Variants in RALGAPA2 observed in about 807,000 individuals in gnomAD.
RALGAPA2 encodes ral GTPase-activating protein subunit alpha-2.
A neutral mutation model predicts 230.4 loss-of-function variants in RALGAPA2; 139 were observed. The ratio of observed to expected loss-of-function variants is 0.60; its 90% CI spans 0.53 to 0.69. The LOEUF (loss-of-function observed/expected upper bound fraction) is 0.69, where lower values mean the gene tolerates loss of function less well. Ranked by LOEUF, RALGAPA2 falls within the 30% of genes least tolerant of loss-of-function variation. The pLI is 0.00. For missense variants in RALGAPA2, 2,163 were observed against 2,276.0 expected, an observed-to-expected ratio of 0.95 and a Z score of 1.01; for synonymous variants, 847 against 837.8, an observed-to-expected ratio of 1.01 and a Z score of -0.19.
In RALGAPA2 at chr20:20,653,590, A is replaced by G. The variant is rs1180802173; in HGVS notation, c.271-3T>C. Reference sequence around the variant, plus strand: ...TCAGGTAGAAACTGCAGTATTTTCTATTAAAAAAAGATATAAAGAAAATAA... The same window carrying G: ...TCAGGTAGAAACTGCAGTATTTTCTGTTAAAAAAAGATATAAAGAAAATAA... On this transcript the variant is annotated splice_region_variant and splice_polypyrimidine_tract_variant and intron_variant, in intron 3 of 39. Transcript: ENST00000202677. 1 of 1,453,526 alleles carries G rather than the reference A, an allele frequency of 6.9e-7. No individual in the cohort carries two copies. The highest frequency in any genetic ancestry group is 9.4e-7 in the Non-Finnish European group (1 of 1,063,542). 90.0% of individuals were successfully genotyped at this position (1,453,526 alleles called of 1,614,324 possible). A position where few individuals can be genotyped will look rare whatever the true frequency, so the allele number is the denominator to read the frequency against.
intron 37 of RALGAPA2, among the ~76,000 whole-genome samples, chr20:20,418,915 T>C (rs1358703915): frequency 6.6e-6 from 1 of 152,094 alleles, no homozygotes; most frequent in Non-Finnish European, 1.5e-5. Context: ...ATTTTTAAAA[T>C]ATTTTCTAGC....
At chr20:20,668,856 G>A (rs986066931) in intron 3 of RALGAPA2, among the ~76,000 whole-genome samples, 5 of 152,156 alleles carry the variant, frequency 3.3e-5, no homozygotes, top group Admixed American at 6.5e-5. Context: ...TAGCCCGACA[G>A]AGCACTTCCA....
At chr20:20,393,385 C>T (rs889635625) in intron 39 of RALGAPA2, 132 bp from the exon 40 acceptor site, 5 of 535,208 alleles carry the variant, frequency 9.3e-6, no homozygotes, top group South Asian at 4.8e-5. Flanking sequence ...CCTCCTCCCA[C>T]GCTATGCCGG....
intron 31 of RALGAPA2, among the ~76,000 whole-genome samples, chr20:20,518,991 T>C (rs2062957235): frequency 2.6e-5 from 4 of 151,940 alleles, no homozygotes; most frequent in Admixed American, 2.6e-4. Flanking sequence ...ACAGTGGAGC[T>C]CCAGAAATAA....
intron 13 of RALGAPA2, among the ~76,000 whole-genome samples, chr20:20,611,961 C>G (rs2065989510): frequency 6.6e-6 from 1 of 152,198 alleles, no homozygotes; most frequent in Non-Finnish European, 1.5e-5. Flanking sequence ...CACTTACAGG[C>G]ACAGTGCTCA....
chr20:20,635,520 A>C lies in RALGAPA2; in HGVS notation c.903T>G (p.Val301=), dbSNP rs746693310. 2.1e-5 allele frequency: 33 copies of C among 1,597,046 alleles called. No individual in the cohort carries two copies. Among genetic ancestry groups the C allele is most frequent in the Non-Finnish European group, 2.8e-5 (33 of 1,172,906 alleles). ...AGGTTACAATCCACTTAATAAAAAC[A>C]ACACGAGCTGCCATATATGGAATCT... ...STKIPYMAAR[V]VFIKWIVTFF... Residue 301 remains valine, a synonymous_variant, in exon 9 of 40, where the codon GTT becomes GTG. Transcript: ENST00000202677.
chr20:20,621,969 C>T (rs1283729289), intron 10 of RALGAPA2, among the ~76,000 whole-genome samples: 1 of 152,160 alleles, frequency 6.6e-6, no homozygotes, highest in African/African-American at 2.4e-5. Context: ...GTTCATGCCA[C>T]AGGATCCAGT....
chr20:20,465,369 G>A (rs1024678592), intron 37 of RALGAPA2, among the ~76,000 whole-genome samples: 7 of 152,180 alleles, frequency 4.6e-5, no homozygotes, highest in African/African-American at 1.7e-4. Flanking sequence ...TGGCACAGGA[G>A]GGCCTCAAGG....
intron 3 of RALGAPA2, among the ~76,000 whole-genome samples, chr20:20,665,947 C>T (rs542175619): frequency 6.4e-4 from 97 of 152,342 alleles, no homozygotes; most frequent in African/African-American, 2.3e-3. Flanking sequence ...CTACTGTGAT[C>T]CCTGCAGAGC....
intron 19 of RALGAPA2, 62 bp downstream of exon 19, chr20:20,584,803 T>A (rs759203849): frequency 7.9e-7 from 1 of 1,263,742 alleles, no homozygotes; most frequent in East Asian, 2.4e-5. Context: ...TAATAAAATG[T>A]AAAAAGAAAA....
chr20:20,448,867 T>C (rs963630103), intron 37 of RALGAPA2, among the ~76,000 whole-genome samples: 4 of 149,706 alleles, frequency 2.7e-5, no homozygotes, highest in Non-Finnish European at 5.9e-5. Flanking sequence ...TTTATGAATG[T>C]ATATTGAAAA....
Position 20,514,489 on chromosome 20 carries a change from A to G in RALGAPA2, c.4085-1205T>C, listed in dbSNP as rs1353287222. 2.6e-5 allele frequency among the ~76,000 whole-genome samples: 4 copies of G among 151,786 alleles called. No homozygotes were observed. The East Asian group carries it at 5.9e-4, about 22-fold the overall frequency. On this transcript the variant is annotated intron_variant, in intron 31 of 39. Transcript: ENST00000202677. ...TGCAGGGGAACCCTCTCCACTCCAC[A>G]TCCAGATGGATCTCCAGGTATTCGG...
intron 37 of RALGAPA2, among the ~76,000 whole-genome samples, chr20:20,416,467 C>A (rs772636349): frequency 6.6e-6 from 1 of 152,308 alleles, no homozygotes; most frequent in Non-Finnish European, 1.5e-5. Context: ...GGTCCTCTAA[C>A]CTTTACTGCT....
At chr20:20,582,262 T>C (rs937500928) in intron 20 of RALGAPA2, among the ~76,000 whole-genome samples, 5 of 151,998 alleles carry the variant, frequency 3.3e-5, no homozygotes, top group Admixed American at 3.3e-4. Context: ...CTGACTTAGA[T>C]GTTCACTCAT....
At chr20:20,527,403 A>C (rs979425315) in intron 27 of RALGAPA2, among the ~76,000 whole-genome samples, 2 of 152,086 alleles carry the variant, frequency 1.3e-5, no homozygotes, top group Admixed American at 6.5e-5. Context: ...CACATCCCAG[A>C]TGACCCAATT....
intron 37 of RALGAPA2, among the ~76,000 whole-genome samples, chr20:20,458,530 TTA>T (rs1217020179): frequency 7.3e-6 from 1 of 137,928 alleles, no homozygotes; most frequent in Non-Finnish European, 1.5e-5. Flanking sequence ...TTTATATATA[TTA>T]TATATAATAT....
intron 37 of RALGAPA2, among the ~76,000 whole-genome samples, chr20:20,420,054 G>C (rs917110699): frequency 6.6e-6 from 1 of 152,222 alleles, no homozygotes; most frequent in Admixed American, 6.5e-5. Context: ...AGAAGTCTCT[G>C]ATGGGAGGGA....
At chr20:20,440,758 C>A (rs574021315) in intron 37 of RALGAPA2, among the ~76,000 whole-genome samples, 5 of 152,368 alleles carry the variant, frequency 3.3e-5, no homozygotes, top group South Asian at 2.1e-4. Context: ...AGCTGACGGG[C>A]AACCTCACTG....
chr20:20,666,556 T>A (rs995829768), intron 3 of RALGAPA2, among the ~76,000 whole-genome samples: 1 of 152,080 alleles, frequency 6.6e-6, no homozygotes, highest in Non-Finnish European at 1.5e-5. Flanking sequence ...GTCCTTCACC[T>A]CGGCATGGGA....
Sources: gnomAD v4.1 joint callset for allele counts (sites outside exome capture counted in the v4.1 genomes callset) on GRCh38, gnomAD v4.1.1 for gene constraint, MANE v1.5 for transcripts, NCBI Gene and HGNC (gene_info 2026-07-23, HGNC 2026-07-21) for gene names.